The following ATP10A variants were observed in gnomAD, a reference collection of about 807,000 sequenced individuals.
ATP10A encodes the protein ATPase phospholipid transporting 10A (putative).
Under a neutral mutation model 147.8 loss-of-function variants are expected in ATP10A, and 111 were observed. The ratio of observed to expected loss-of-function variants is 0.75; its 90% CI spans 0.64 to 0.88. ATP10A has a LOEUF of 0.88. ATP10A is among the 40% of genes least tolerant of loss of function. ATP10A has a pLI of 0.00. For missense variants in ATP10A, 1,927 were observed against 1,959.0 expected, an observed-to-expected ratio of 0.98 and a Z score of 0.31; for synonymous variants, 875 against 841.6, an observed-to-expected ratio of 1.04 and a Z score of -0.69.
chr15:25,787,692 G>A (rs1890235000), intron 1 of ATP10A, among the ~76,000 whole-genome samples: 1 of 152,016 alleles, frequency 6.6e-6, no homozygotes, highest in Non-Finnish European at 1.5e-5. Context: ...TTCCAGATTT[G>A]TGCCAGTGTT....
At chr15:25,702,873 C>T (rs1900752557) in intron 12 of ATP10A, among the ~76,000 whole-genome samples, 3 of 151,960 alleles carry the variant, frequency 2.0e-5, no homozygotes, top group South Asian at 4.2e-4. Flanking sequence ...GGCTCCTTTA[C>T]TGCGCTACAC....
At chr15:25,740,042 G>A (rs1039089024) in intron 2 of ATP10A, among the ~76,000 whole-genome samples, 10 of 152,292 alleles carry the variant, frequency 6.6e-5, no homozygotes, top group Admixed American at 2.6e-4. Context: ...TGGGGGAGGC[G>A]TGTGTCTAAT....
intron 1 of ATP10A, among the ~76,000 whole-genome samples, chr15:25,798,663 G>A (rs954270519): frequency 6.6e-6 from 1 of 152,170 alleles, no homozygotes; most frequent in East Asian, 1.9e-4. Context: ...CTTTTCCTGC[G>A]GGCACTGTGC....
chr15:25,734,453 GGTCAAGAT>G, intron 3 of ATP10A, among the ~76,000 whole-genome samples: 2 of 152,278 alleles, frequency 1.3e-5, no homozygotes, highest in Admixed American at 1.3e-4. Context: ...CATTGTTTCA[GGTCAAGAT>G]GTCTAGCAAC....
chr15:25,857,999 G>A (rs1893588689), intron 1 of ATP10A, among the ~76,000 whole-genome samples: 1 of 152,150 alleles, frequency 6.6e-6, no homozygotes, highest in Non-Finnish European at 1.5e-5. Context: ...TCATGAACAA[G>A]CCTGCCTTTG....
chr15:25,818,044 C>G lies in ATP10A; in HGVS notation c.450-36821G>C, dbSNP rs1891738626. 2.6e-5 allele frequency among the ~76,000 whole-genome samples: 4 copies of G among 151,906 alleles called. No individual in the cohort carries two copies. In the South Asian group the frequency reaches 8.3e-4, roughly 32 times the overall value. On this transcript the variant is annotated intron_variant, in intron 1 of 20. Coordinates refer to ENST00000555815, the MANE Select transcript of ATP10A (RefSeq NM_024490.4). ...AACATTGCTGTCACTATACAATCCCCCCACTGCTAAATTTTACTAGCTTTT... is the reference window on the plus strand; with the variant it reads ...AACATTGCTGTCACTATACAATCCCGCCACTGCTAAATTTTACTAGCTTTT...
chr15:25,724,113 AC>A, intron 5 of ATP10A, 92 bp from the exon 6 acceptor site: 1 of 1,286,254 alleles, frequency 7.8e-7, no homozygotes, highest in Non-Finnish European at 1.0e-6. Context: ...AATATTTGTT[AC>A]CTGATGCAAG....
intron 2 of ATP10A, among the ~76,000 whole-genome samples, chr15:25,774,612 G>A (rs551652729): frequency 2.0e-5 from 3 of 151,758 alleles, no homozygotes; most frequent in African/African-American, 7.2e-5. Flanking sequence ...CAGAGTGCTG[G>A]TGCTGCACTC....
intron 1 of ATP10A, among the ~76,000 whole-genome samples, chr15:25,832,801 A>G (rs964968914): frequency 2.6e-5 from 4 of 152,136 alleles, no homozygotes; most frequent in Non-Finnish European, 5.9e-5. Context: ...GTATTTTCCA[A>G]TAGCTAGAAG....
chr15:25,707,934 AC>A (rs1901139826), intron 12 of ATP10A, 41 bp downstream of exon 12: 1 of 1,602,394 alleles, frequency 6.2e-7, no homozygotes, highest in East Asian at 2.2e-5. Context: ...GTCCCTGCAA[AC>A]TCCACACTGC....
chr15:25,794,048 C>A, intron 1 of ATP10A, among the ~76,000 whole-genome samples: 1 of 152,294 alleles, frequency 6.6e-6, no homozygotes, highest in East Asian at 1.9e-4. Flanking sequence ...TCCCCAGAGT[C>A]CCCTGATTCC....
chr15:25,735,119 G>A (rs1887198868), intron 3 of ATP10A, among the ~76,000 whole-genome samples: 1 of 152,160 alleles, frequency 6.6e-6, no homozygotes, highest in Non-Finnish European at 1.5e-5. Context: ...GACAGTGCCA[G>A]GAGGTGGCCC....
At chr15:25,701,246 G>A (rs544054730) in intron 13 of ATP10A, among the ~76,000 whole-genome samples, 37 of 152,318 alleles carry the variant, frequency 2.4e-4, no homozygotes, top group African/African-American at 8.9e-4. Context: ...ATCTCAGAAA[G>A]GGGGACTCCC....
intron 1 of ATP10A, among the ~76,000 whole-genome samples, chr15:25,824,448 T>A (rs1396047584): frequency 7.0e-6 from 1 of 143,782 alleles, no homozygotes; most frequent in African/African-American, 2.6e-5. Flanking sequence ...CACTCCAGCC[T>A]GGACAAGGGA....
intron 1 of ATP10A, among the ~76,000 whole-genome samples, chr15:25,795,104 T>A (rs1220227834): frequency 6.6e-6 from 1 of 152,166 alleles, no homozygotes; most frequent in Non-Finnish European, 1.5e-5. Context: ...AAACAATTGT[T>A]TTTTCTTTGG....
intron 12 of ATP10A, among the ~76,000 whole-genome samples, chr15:25,706,684 A>C (rs1901041217): frequency 6.6e-6 from 1 of 152,202 alleles, no homozygotes; most frequent in Non-Finnish European, 1.5e-5. Context: ...TTCTGTCTGC[A>C]TTACTCCAGG....
At chr15:25,748,273 A>G (rs986157805) in intron 2 of ATP10A, among the ~76,000 whole-genome samples, 1 of 152,234 alleles carries the variant, frequency 6.6e-6, no homozygotes, top group African/African-American at 2.4e-5. Flanking sequence ...ATAAAACATT[A>G]GTTTACTAAT....
intron 2 of ATP10A, among the ~76,000 whole-genome samples, chr15:25,774,291 A>G (rs1349475970): frequency 6.6e-6 from 1 of 152,212 alleles, no homozygotes; most frequent in East Asian, 1.9e-4. Context: ...TTTAGATCAG[A>G]GGTTCGGGTG....
intron 5 of ATP10A, among the ~76,000 whole-genome samples, chr15:25,725,496 C>T (rs1432858446): frequency 3.3e-5 from 5 of 152,142 alleles, no homozygotes; most frequent in South Asian, 2.1e-4. Context: ...TTCACCCAGG[C>T]GTTTCCATGT....
Sources: allele counts gnomAD v4.1 joint callset (sites outside exome capture counted in the v4.1 genomes callset), GRCh38; gene constraint gnomAD v4.1.1; transcripts MANE v1.5; gene names NCBI Gene and HGNC (gene_info 2026-07-23, HGNC 2026-07-21).